The following WDR48 variants were observed in gnomAD, a reference collection of about 807,000 sequenced individuals.
WDR48 encodes WD repeat-containing protein 48.
A neutral mutation model predicts 94.0 loss-of-function variants in WDR48; 22 were observed. The ratio of observed to expected loss-of-function variants is 0.23; its 90% CI spans 0.17 to 0.33. The LOEUF is 0.33. WDR48 is among the 10% of genes least tolerant of loss of function. WDR48 has a pLI of 1.00. For missense variants in WDR48, 541 were observed against 813.8 expected, an observed-to-expected ratio of 0.66 and a Z score of 4.08; for synonymous variants, 278 against 280.5, an observed-to-expected ratio of 0.99 and a Z score of 0.09.
rs532082063 is a variant in WDR48, at chr3:39,066,841, A to G, written c.447A>G (p.Leu149=). 123 of 1,613,988 alleles carry G rather than the reference A, an allele frequency of 7.6e-5. 2 individuals are homozygous for G. The South Asian group carries it at 1.3e-3, about 17-fold the overall frequency. Residue 149 remains leucine, a synonymous_variant, in exon 5 of 19, where the codon CTA becomes CTG. Transcript: ENST00000302313. ...RQIFLWDVNT[L]TALTASNNTV... ...TATTCCTTTGGGATGTGAATACTCT[A>G]ACAGCATTGACTGCCTCAAATAACA...
chr3:39,072,206 C>A (rs2033979008), intron 7 of WDR48, among the ~76,000 whole-genome samples: 1 of 152,204 alleles, frequency 6.6e-6, no homozygotes, highest in Non-Finnish European at 1.5e-5. Flanking sequence ...TAAGGGAGTT[C>A]TGCCTGTAAA....
chr3:39,084,410 AG>A, intron 12 of WDR48, 148 bp downstream of exon 12: 1 of 624,746 alleles, frequency 1.6e-6, no homozygotes, highest in Middle Eastern at 4.9e-4. Context: ...GGAATAAAAA[AG>A]AAAAAAACAA....
intron 5 of WDR48, among the ~76,000 whole-genome samples, chr3:39,067,634 T>C (rs533728612): frequency 6.6e-6 from 1 of 152,310 alleles, no homozygotes; most frequent in South Asian, 2.1e-4. Flanking sequence ...AAAGTCTACA[T>C]TGAAGACATG....
intron 16 of WDR48, chr3:39,090,092 C>T (rs139701349): frequency 6.6e-6 from 1 of 152,346 alleles, no homozygotes; most frequent in East Asian, 1.9e-4. Flanking sequence ...CTGTAGTAGT[C>T]TACATTCTCA....
chr3:39,052,294 G>C (rs1001051795), intron 1 of WDR48: 18 of 552,028 alleles, frequency 3.3e-5, no homozygotes, highest in African/African-American at 4.1e-5. Context: ...GGACCCTCGT[G>C]GGCGGCATTC....
At chr3:39,078,270 T>C (rs966145107) in intron 10 of WDR48, 31 bp downstream of exon 10, 1 of 1,480,518 alleles carries the variant, frequency 6.8e-7, no homozygotes, top group African/African-American at 1.4e-5. Context: ...GTACCCCTTA[T>C]TGAAGTTAGC....
At chr3:39,075,068 G>T in intron 8 of WDR48, 118 bp downstream of exon 8, 1 of 959,542 alleles carries the variant, frequency 1.0e-6, no homozygotes, top group Non-Finnish European at 1.5e-6. Context: ...GGGAAGGTTT[G>T]TAAAAAAGAT....
At chr3:39,071,510 C>T (rs557914484) in intron 7 of WDR48, among the ~76,000 whole-genome samples, 28 of 152,268 alleles carry the variant, frequency 1.8e-4, no homozygotes, top group African/African-American at 6.3e-4. Flanking sequence ...TAAAGCTCTA[C>T]CTGTCTGCTC....
At chr3:39,079,392 T>C (rs747286697) in intron 10 of WDR48, among the ~76,000 whole-genome samples, 1 of 152,206 alleles carries the variant, frequency 6.6e-6, no homozygotes, top group Non-Finnish European at 1.5e-5. Flanking sequence ...CCTGTCATCA[T>C]TTTGACTTTT....
rs531320894 is a variant in WDR48, at chr3:39,083,018, G to A, written c.1174-1137G>A. ...GGGGGAGTAAGAAAATGAAGAGCCA[G>A]TGGCAGCTCCAGAACTAATTGAGTG... On this transcript the variant is annotated intron_variant, in intron 11 of 18. Transcript: ENST00000302313. 9.8e-5 allele frequency among the ~76,000 whole-genome samples: 15 copies of A among 152,358 alleles called. No homozygotes were observed. In the South Asian group the frequency reaches 2.5e-3, roughly 25 times the overall value.
chr3:39,069,681 A>G lies in WDR48; in HGVS notation c.609A>G (p.Leu203=), dbSNP rs762727430. 6.2e-7 allele frequency: 1 copy of G among 1,613,844 alleles called. No homozygotes were observed. Among genetic ancestry groups the G allele is most frequent in the Non-Finnish European group, 8.5e-7 (1 of 1,179,782 alleles). Residue 203 remains leucine, a synonymous_variant, in exon 7 of 19, where the codon CTA becomes CTG. Transcript: ENST00000302313. ...RVWDPRTCAK[L]MKLKGHTDNV... is the part of the protein sequence containing the mutation. Reference sequence around the variant, plus strand: ...GGGATCCAAGAACATGTGCAAAACTAATGAAGCTTAAAGGGCACACGGATA... The same window carrying G: ...GGGATCCAAGAACATGTGCAAAACTGATGAAGCTTAAAGGGCACACGGATA...
At chr3:39,094,421 AATGGCTGAAAG>A (rs1194272814) in intron 18 of WDR48, 8 of 1,524,692 alleles carry the variant, frequency 5.2e-6, no homozygotes, top group Non-Finnish European at 7.0e-6. Flanking sequence ...TCCTCAGAGG[AATGGCTGAAAG>A]ATGGCCTGGT....
At chr3:39,075,140 G>A (rs1190095129) in intron 8 of WDR48, among the ~76,000 whole-genome samples, 190 bp downstream of exon 8, 2 of 150,778 alleles carry the variant, frequency 1.3e-5, no homozygotes, top group Admixed American at 1.3e-4. Flanking sequence ...GGAGGGAAGA[G>A]TGTCAGTATG....
chr3:39,093,976 T>C lies in WDR48; in HGVS notation c.1848T>C (p.Ser616=), dbSNP rs1376336424. The C allele has an allele frequency of 6.2e-7, 1 of 1,614,022 alleles. No homozygotes were observed. Among genetic ancestry groups the C allele is most frequent in the Non-Finnish European group, 8.5e-7 (1 of 1,180,028 alleles). Reference sequence around the variant, plus strand: ...ATAATGAGTCTCAAACCACTAGCTCTTCTAATAATGAAAAACCAGGAGAAC... The same window carrying C: ...ATAATGAGTCTCAAACCACTAGCTCCTCTAATAATGAAAAACCAGGAGAAC... ...NLDNESQTTS[S]SNNEKPGEQE... The change falls in exon 18 of 19, where the codon TCT becomes TCC. Residue 616 remains serine, a synonymous_variant. Transcript: ENST00000302313.
intron 1 of WDR48, among the ~76,000 whole-genome samples, chr3:39,061,797 TG>T (rs1400431887): frequency 6.6e-6 from 1 of 152,174 alleles, no homozygotes; most frequent in African/African-American, 2.4e-5. Context: ...CCACTCTAAC[TG>T]GCATGAGATG....
At chr3:39,065,921 C>T (rs2033577029) in intron 3 of WDR48, 32 bp downstream of exon 3, 1 of 1,516,590 alleles carries the variant, frequency 6.6e-7, no homozygotes, top group Non-Finnish European at 8.8e-7. Context: ...TATTGGGCTT[C>T]TGATATATTT....
rs2033759531 is a variant in WDR48 at position 39,068,697 on chromosome 3, CT to C, written c.482-72del. 3.9e-6 allele frequency: 4 copies of C among 1,021,982 alleles called. No homozygotes were observed. In the South Asian group the frequency reaches 6.4e-5, roughly 16 times the overall value. The allele number at this position is 1,021,982 out of a possible 1,614,324, so 63.3% of individuals were successfully genotyped here. The stretch of plus-strand genomic sequence containing the variant: ...GATAAGATTTTCTAAATTGAATAAA[CT>C]TGCAGTTTTTGCTGACTAGTTACTA... On this transcript the variant is annotated intron_variant, in intron 5 of 18. Coordinates refer to ENST00000302313, the MANE Select transcript of WDR48 (RefSeq NM_020839.4).
intron 14 of WDR48, 186 bp from the exon 15 acceptor site, chr3:39,087,942 C>T: frequency 1.1e-5 from 6 of 563,298 alleles, no homozygotes; most frequent in South Asian, 4.6e-5. Context: ...TGAAATAGAC[C>T]ACAAGTTGCT....
At chr3:39,068,643 A>G in intron 5 of WDR48, 128 bp from the exon 6 acceptor site, 1 of 595,114 alleles carries the variant, frequency 1.7e-6, no homozygotes, top group South Asian at 2.7e-5. Context: ...CATTATAGGT[A>G]GATTTCTTTT....
Sources: allele counts gnomAD v4.1 joint callset (sites outside exome capture counted in the v4.1 genomes callset), GRCh38; gene constraint gnomAD v4.1.1; transcripts MANE v1.5; gene names NCBI Gene and HGNC (gene_info 2026-07-23, HGNC 2026-07-21).